KCNB2: variants seen among roughly 807,000 people sequenced by gnomAD.
The protein encoded by KCNB2 is delayed rectifier potassium channel protein.
A neutral mutation model predicts 61.5 loss-of-function variants in KCNB2; 15 were observed. The observed-to-expected ratio is 0.24, with a 90% confidence interval of 0.16 to 0.38. The LOEUF (loss-of-function observed/expected upper bound fraction) is 0.38, where lower values mean the gene tolerates loss of function less well. KCNB2 is among the 10% of genes least tolerant of loss of function. The probability of loss-of-function intolerance (pLI) is 1.00; values close to 1 mark genes in which losing one functional copy is unlikely to be tolerated. For missense variants in KCNB2, 828 were observed against 1,125.2 expected, an observed-to-expected ratio of 0.74 and a Z score of 3.78; for synonymous variants, 457 against 446.0, an observed-to-expected ratio of 1.02 and a Z score of -0.31.
intron 2 of KCNB2, among the ~76,000 whole-genome samples, chr8:72,784,106 C>A (rs2128998157): frequency 6.6e-6 from 1 of 152,232 alleles, no homozygotes; most frequent in African/African-American, 2.4e-5. Flanking sequence ...TCAAGATATA[C>A]AATGGGATGA....
intron 2 of KCNB2, among the ~76,000 whole-genome samples, chr8:72,747,817 C>A (rs965752003): frequency 6.6e-6 from 1 of 152,186 alleles, no homozygotes; most frequent in African/African-American, 2.4e-5. Context: ...TGTCAACTTA[C>A]TGTAATATTG....
chr8:72,697,919 G>A (rs1585836668), intron 2 of KCNB2, among the ~76,000 whole-genome samples: 1 of 152,136 alleles, frequency 6.6e-6, no homozygotes, highest in Admixed American at 6.5e-5. Context: ...CCAATCCCAG[G>A]CCTTCTCTAT....
rs543010043 is a variant in KCNB2 at position 72,856,493 on chromosome 8, G to A, written c.580-79442G>A. On this transcript the variant is annotated intron_variant, in intron 2 of 2. Transcript: ENST00000523207. ...GAACAGAATCAATAGGGGCCTCATCGAAAAGACCTTGAAGAAGTCAAATGA... is the reference window on the plus strand; with the variant it reads ...GAACAGAATCAATAGGGGCCTCATCAAAAAGACCTTGAAGAAGTCAAATGA... 5.4e-4 allele frequency among the ~76,000 whole-genome samples: 82 copies of A among 152,236 alleles called. 1 individual carries two copies. The South Asian group carries it at 0.015, about 28-fold the overall frequency.
intron 1 of KCNB2, among the ~76,000 whole-genome samples, chr8:72,559,002 T>G (rs759855761): frequency 6.6e-6 from 1 of 151,962 alleles, no homozygotes; most frequent in Non-Finnish European, 1.5e-5. Flanking sequence ...AAGAAGGATC[T>G]ACAACAGAGA....
At chr8:72,819,451 G>A (rs192477968) in intron 2 of KCNB2, among the ~76,000 whole-genome samples, 2 of 152,180 alleles carry the variant, frequency 1.3e-5, no homozygotes, top group Admixed American at 1.3e-4. Flanking sequence ...GTTCTCATTA[G>A]TGTAGGCTCA....
chr8:72,656,490 G>A (rs542553419), intron 2 of KCNB2, among the ~76,000 whole-genome samples: 8 of 152,260 alleles, frequency 5.3e-5, no homozygotes, highest in African/African-American at 1.7e-4. Flanking sequence ...GCCAGGAAAT[G>A]CAAAAGCAAA....
At chr8:72,869,582 C>T (rs1432378408) in intron 2 of KCNB2, among the ~76,000 whole-genome samples, 1 of 152,016 alleles carries the variant, frequency 6.6e-6, no homozygotes, top group Non-Finnish European at 1.5e-5. Context: ...CACAAATGGC[C>T]AACAGGTATA....
intron 2 of KCNB2, among the ~76,000 whole-genome samples, chr8:72,627,454 C>CCAT (rs1805807819): frequency 6.6e-6 from 1 of 152,192 alleles, no homozygotes; most frequent in South Asian, 2.1e-4. Flanking sequence ...AAGCAAGGTA[C>CCAT]CATCAGTTCT....
chr8:72,924,768 A>G (rs1244665997), intron 2 of KCNB2, among the ~76,000 whole-genome samples: 8 of 152,178 alleles, frequency 5.3e-5, no homozygotes, highest in South Asian at 2.1e-4. Flanking sequence ...ATAAGACTCA[A>G]TGAAAGGCCC....
At chr8:72,570,409 G>T (rs1026894272) in intron 2 of KCNB2, among the ~76,000 whole-genome samples, 1 of 152,066 alleles carries the variant, frequency 6.6e-6, no homozygotes, top group Non-Finnish European at 1.5e-5. Context: ...CTCTCTGTTT[G>T]AATAGTGAAA....
intron 2 of KCNB2, among the ~76,000 whole-genome samples, chr8:72,886,465 G>A (rs1363173781): frequency 1.3e-5 from 2 of 152,230 alleles, no homozygotes; most frequent in Non-Finnish European, 2.9e-5. Context: ...GTTCTACTTA[G>A]AAAGATTTCC....
chr8:72,806,756 G>A (rs1809231493), intron 2 of KCNB2, among the ~76,000 whole-genome samples: 1 of 152,202 alleles, frequency 6.6e-6, no homozygotes, highest in African/African-American at 2.4e-5. Context: ...ACAGTGATGG[G>A]ACAGGTAGTG....
chr8:72,776,779 G>A (rs1162126326), intron 2 of KCNB2, among the ~76,000 whole-genome samples: 1 of 152,136 alleles, frequency 6.6e-6, no homozygotes, highest in Non-Finnish European at 1.5e-5. Context: ...GTAGGTTGTG[G>A]CATCTCCTTG....
chr8:72,581,408 G>A (rs1363497592), intron 2 of KCNB2, among the ~76,000 whole-genome samples: 3 of 152,182 alleles, frequency 2.0e-5, no homozygotes, highest in African/African-American at 7.2e-5. Context: ...TGCAGCACTT[G>A]AAGAATCCGA....
chr8:72,673,371 A>G (rs1350742816), intron 2 of KCNB2, among the ~76,000 whole-genome samples: 1 of 152,172 alleles, frequency 6.6e-6, no homozygotes, highest in Non-Finnish European at 1.5e-5. Flanking sequence ...TGGTTTTTTA[A>G]GGGGCTTCCC....
At chr8:72,581,219 C>G (rs1049171863) in intron 2 of KCNB2, among the ~76,000 whole-genome samples, 2 of 152,204 alleles carry the variant, frequency 1.3e-5, no homozygotes, top group African/African-American at 2.4e-5. Context: ...GTACCTGGCA[C>G]AGTCACACAC....
At chr8:72,933,546 A>C (rs1187370756) in intron 2 of KCNB2, among the ~76,000 whole-genome samples, 2 of 152,258 alleles carry the variant, frequency 1.3e-5, no homozygotes, top group Non-Finnish European at 2.9e-5. Context: ...AATACTTAAA[A>C]TGCCCAAAGA....
intron 2 of KCNB2, among the ~76,000 whole-genome samples, chr8:72,620,784 T>G (rs895726722): frequency 6.6e-6 from 1 of 152,002 alleles, no homozygotes; most frequent in African/African-American, 2.4e-5. Flanking sequence ...AATTTCGTGT[T>G]TTTAGTAGAG....
At chr8:72,903,503 C>G (rs1008828278) in intron 2 of KCNB2, among the ~76,000 whole-genome samples, 11 of 152,152 alleles carry the variant, frequency 7.2e-5, no homozygotes, top group African/African-American at 2.7e-4. Context: ...ATCTCTTGAG[C>G]CCAGGAGGTC....
Sources: gnomAD v4.1 joint callset for allele counts (sites outside exome capture counted in the v4.1 genomes callset) on GRCh38, gnomAD v4.1.1 for gene constraint, MANE v1.5 for transcripts, NCBI Gene and HGNC (gene_info 2026-07-23, HGNC 2026-07-21) for gene names.